ITGA8: variants seen among roughly 807,000 people sequenced by gnomAD.
The protein encoded by ITGA8 is integrin subunit alpha 8, also known as integrin alpha-8.
Under a neutral mutation model 142.3 loss-of-function variants are expected in ITGA8, and 91 were observed. That is an observed-to-expected ratio of 0.64 (90% CI 0.54 to 0.76). The LOEUF (loss-of-function observed/expected upper bound fraction) is 0.76. Among genes scored for constraint, ITGA8 ranks in the 30% least tolerant of loss-of-function variants. ITGA8 has a pLI of 0.00. For synonymous variants in ITGA8, 505 were observed against 485.2 expected (o/e 1.04, Z -0.54); for missense variants, 1,406 against 1,327.7 (o/e 1.06, Z -0.92).
intron 10 of ITGA8, among the ~76,000 whole-genome samples, chr10:15,657,177 A>T (rs1834200411): frequency 6.6e-6 from 1 of 152,184 alleles, no homozygotes; most frequent in Non-Finnish European, 1.5e-5. Context: ...TATTGAGGAG[A>T]GGAAGTTATA....
At chr10:15,711,505 T>C (rs1040287317) in intron 2 of ITGA8, among the ~76,000 whole-genome samples, 3 of 152,032 alleles carry the variant, frequency 2.0e-5, no homozygotes, top group Non-Finnish European at 4.4e-5. Context: ...TATTTATACA[T>C]TTATTTTATT....
At chr10:15,712,514 T>C (rs1467653607) in intron 2 of ITGA8, among the ~76,000 whole-genome samples, 1 of 152,160 alleles carries the variant, frequency 6.6e-6, no homozygotes, top group Admixed American at 6.5e-5. Flanking sequence ...GGCAGGAGAA[T>C]CATTTTAACC....
chr10:15,648,748 A>G (rs965722655), intron 11 of ITGA8, among the ~76,000 whole-genome samples: 1 of 152,008 alleles, frequency 6.6e-6, no homozygotes, highest in Non-Finnish European at 1.5e-5. Context: ...CCTCTCTCCA[A>G]TTTCTGGCCT....
At chr10:15,580,886 AC>A (rs1325310185) in intron 23 of ITGA8, among the ~76,000 whole-genome samples, 1 of 152,230 alleles carries the variant, frequency 6.6e-6, no homozygotes, top group Non-Finnish European at 1.5e-5. Flanking sequence ...GTCTCTTTTT[AC>A]CGCTTCTATT....
chr10:15,570,437 G>A (rs1205098538), intron 25 of ITGA8, among the ~76,000 whole-genome samples: 5 of 146,692 alleles, frequency 3.4e-5, no homozygotes, highest in East Asian at 4.1e-4. Context: ...GTGAAACCCC[G>A]TTTCTACTAA....
At chr10:15,610,046 T>G (rs1481379267) in intron 15 of ITGA8, among the ~76,000 whole-genome samples, 1 of 152,186 alleles carries the variant, frequency 6.6e-6, no homozygotes, top group Non-Finnish European at 1.5e-5. Flanking sequence ...CTTAGCTCAC[T>G]CTTTCTGTTT....
chr10:15,599,599 T>A (rs758590009), intron 20 of ITGA8, among the ~76,000 whole-genome samples: 9 of 152,042 alleles, frequency 5.9e-5, no homozygotes, highest in Non-Finnish European at 8.8e-5. Flanking sequence ...GCATCTAAGC[T>A]GATGGGGGCA....
chr10:15,718,715 C>G, intron 2 of ITGA8, 51 bp downstream of exon 2: 4 of 1,605,920 alleles, frequency 2.5e-6, no homozygotes, highest in Non-Finnish European at 3.4e-6. Context: ...TGGGATGGCC[C>G]TGGTTCTTCC....
At position 15,532,555 on chromosome 10, in the gene ITGA8, G is replaced by T. The variant is rs1380337788; in HGVS notation, c.2881-1404C>A. Among the ~76,000 whole-genome samples the T allele has an allele frequency of 2.6e-5, 4 of 151,218 alleles. No individual in the cohort carries two copies. In the East Asian group the frequency reaches 7.8e-4, roughly 30 times the overall value. ...AACAGAGCTTCTCAGTGAAAGCTCT[G>T]TTTGTTTAATAGGGTCTCATATTAA... On this transcript the variant is annotated intron_variant, in intron 27 of 29. Transcript: ENST00000378076.
intron 24 of ITGA8, among the ~76,000 whole-genome samples, 179 bp from the exon 25 acceptor site, chr10:15,572,548 TCATGG>T (rs1482263901): frequency 6.6e-6 from 1 of 152,224 alleles, no homozygotes; most frequent in Non-Finnish European, 1.5e-5. Context: ...TCTGAAAGCA[TCATGG>T]GCTGGTGTTT....
At position 15,694,701 on chromosome 10, in the gene ITGA8, A is replaced by ATATATATATATATG. The variant is rs1238755233; in HGVS notation, c.344-6664_344-6663insCATATATATATATA. On this transcript the variant is annotated intron_variant, in intron 2 of 29. Coordinates refer to ENST00000378076, the MANE Select transcript of ITGA8 (RefSeq NM_003638.3). ...GACATATATATATATATATATATAT[A>ATATATATATATATG]TGTCGACATATGTATTTCTCTCTTA... 8.7e-5 allele frequency among the ~76,000 whole-genome samples: 12 copies of ATATATATATATATG among 137,712 alleles called. No individual in the cohort carries two copies. The East Asian group carries it at 2.3e-3, about 26-fold the overall frequency. 90.3% of individuals were successfully genotyped at this position (137,712 alleles called of 152,430 possible). A position where few individuals can be genotyped will look rare whatever the true frequency, so the allele number is the denominator to read the frequency against.
chr10:15,719,785 G>C lies in ITGA8; in HGVS notation c.-14C>G, dbSNP rs566262218. 21,205 of 1,345,928 alleles carry C rather than the reference G, an allele frequency of 0.016. 217 individuals are homozygous for C. The highest frequency in any genetic ancestry group is 0.019 in the Non-Finnish European group (19,835 of 1,057,106). 83.4% of individuals were successfully genotyped at this position (1,345,928 alleles called of 1,614,324 possible). A position where few individuals can be genotyped will look rare whatever the true frequency, so the allele number is the denominator to read the frequency against. On this transcript the variant is annotated 5_prime_UTR_variant, in exon 1 of 30. Coordinates refer to ENST00000378076, the MANE Select transcript of ITGA8 (RefSeq NM_003638.3). ...CCCGGGCGACATCTCCCTCCGCCCC[G>C]GTGGGTGGCTGCTACCCAGGAGCGC...
chr10:15,677,342 C>A (rs1834649013), intron 6 of ITGA8, among the ~76,000 whole-genome samples: 2 of 152,136 alleles, frequency 1.3e-5, no homozygotes, highest in Admixed American at 6.5e-5. Flanking sequence ...ATGCTAATTA[C>A]CCTGATTTGA....
At chr10:15,707,308 G>A (rs1835278068) in intron 2 of ITGA8, among the ~76,000 whole-genome samples, 1 of 152,126 alleles carries the variant, frequency 6.6e-6, no homozygotes, top group South Asian at 2.1e-4. Flanking sequence ...TGGAAGAAGA[G>A]GCCAAAAAAG....
chr10:15,562,890 C>A lies in ITGA8; in HGVS notation c.2638-4688G>T, dbSNP rs116253793. Among the ~76,000 whole-genome samples the A allele has an allele frequency of 2.7e-3, 417 of 152,132 alleles. 6 individuals carry two copies. Among genetic ancestry groups the A allele is most frequent in the African/African-American group, 9.8e-3 (407 of 41,502 alleles). On this transcript the variant is annotated intron_variant, in intron 25 of 29. Transcript: ENST00000378076. ...ATATTTGTCCTCCCAAATCTCATGT[C>A]GAGTTTTAATTCCCAATGTGGGAGG...
Position 15,558,086 on chromosome 10 carries a change from A to C in ITGA8, c.2754T>G (p.Pro918=), listed in dbSNP as rs746700510. 9 of 1,613,952 alleles carry C rather than the reference A, an allele frequency of 5.6e-6. No homozygotes were observed. The highest frequency in any genetic ancestry group is 6.8e-6 in the Non-Finnish European group (8 of 1,180,038). ...TGGGATAACTCACCAGTATTTTTGC[A>C]GGGCTCTGTCTGTGGAATTCGACCA... is the stretch of plus-strand genomic sequence containing the variant. ...VHVVEFHRQS[P]AKILNCTNIE... Residue 918 remains proline, a synonymous_variant, in exon 26 of 30, where the codon CCT becomes CCG. Coordinates refer to ENST00000378076, the MANE Select transcript of ITGA8 (RefSeq NM_003638.3).
At chr10:15,591,586 C>T (rs1234409734) in intron 22 of ITGA8, among the ~76,000 whole-genome samples, 2 of 152,048 alleles carry the variant, frequency 1.3e-5, no homozygotes, top group African/African-American at 4.8e-5. Flanking sequence ...TCAGGTCTTC[C>T]TGTTCACGAA....
chr10:15,693,866 A>G (rs544601255), intron 2 of ITGA8, among the ~76,000 whole-genome samples: 88 of 152,052 alleles, frequency 5.8e-4, no homozygotes, highest in African/African-American at 2.0e-3. Context: ...CTGAAGGTCC[A>G]TAGGTTTTTT....
intron 23 of ITGA8, among the ~76,000 whole-genome samples, chr10:15,577,415 C>A (rs922629572): frequency 6.6e-6 from 1 of 151,856 alleles, no homozygotes; most frequent in African/African-American, 2.4e-5. Context: ...TCCTAAGTAC[C>A]ATCTACTCTA....
Sources: gnomAD v4.1 joint callset for allele counts (sites outside exome capture counted in the v4.1 genomes callset) on GRCh38, gnomAD v4.1.1 for gene constraint, MANE v1.5 for transcripts, NCBI Gene and HGNC (gene_info 2026-07-23, HGNC 2026-07-21) for gene names.